NYAP2: variants seen among roughly 807,000 people sequenced by gnomAD.
NYAP2 encodes neuronal tyrosine-phosphorylated phosphoinositide-3-kinase adapter 2.
In NYAP2, 23 loss-of-function variants were observed where a neutral mutation model predicts 50.4. That is an observed-to-expected ratio of 0.46 (90% CI 0.33 to 0.65). NYAP2 has a LOEUF of 0.65. NYAP2 is among the 30% of genes least tolerant of loss of function. The probability of loss-of-function intolerance (pLI) is 0.02; values close to 1 mark genes in which losing one functional copy is unlikely to be tolerated. For synonymous variants in NYAP2, 394 were observed against 365.2 expected (o/e 1.08, Z -0.90); for missense variants, 885 against 861.0 (o/e 1.03, Z -0.35).
At chr2:225,535,386 G>A (rs1254164364) in intron 4 of NYAP2, among the ~76,000 whole-genome samples, 1 of 152,212 alleles carries the variant, frequency 6.6e-6, no homozygotes, top group East Asian at 1.9e-4. Flanking sequence ...GTTAGGAGAT[G>A]TGGGATGACG....
chr2:225,456,241 T>C (rs1373821630), intron 3 of NYAP2, among the ~76,000 whole-genome samples: 1 of 152,214 alleles, frequency 6.6e-6, no homozygotes, highest in Non-Finnish European at 1.5e-5. Flanking sequence ...TTGCCCAGAC[T>C]TTCTGCATGA....
At chr2:225,411,453 G>A (rs909424961) in intron 3 of NYAP2, among the ~76,000 whole-genome samples, 1 of 152,106 alleles carries the variant, frequency 6.6e-6, no homozygotes, top group East Asian at 1.9e-4. Flanking sequence ...ACGATTTTAT[G>A]AAGCCTTTTA....
intron 5 of NYAP2, among the ~76,000 whole-genome samples, chr2:225,626,496 G>A (rs1281450621): frequency 6.6e-6 from 1 of 152,196 alleles, no homozygotes; most frequent in African/African-American, 2.4e-5. Flanking sequence ...TTGTCAAATG[G>A]CTGATAAAAA....
rs199799602 is a variant in NYAP2 at position 225,501,617 on chromosome 2, A to AT, written c.222-11745dup. 2.7e-3 allele frequency among the ~76,000 whole-genome samples: 408 copies of AT among 151,654 alleles called. 1 individual carries two copies. Among genetic ancestry groups the AT allele is most frequent in the African/African-American group, 7.4e-3 (304 of 41,356 alleles). On this transcript the variant is annotated intron_variant, in intron 3 of 6. Transcript: ENST00000636099. Reference sequence around the variant, plus strand: ...ATCTGAAAACAGCATTCCATCATACATTTTTTTTTGTTTCAACAGTGAAAG... The same window carrying AT: ...ATCTGAAAACAGCATTCCATCATACATTTTTTTTTTGTTTCAACAGTGAAAG...
At chr2:225,435,288 G>C (rs1047325592) in intron 3 of NYAP2, among the ~76,000 whole-genome samples, 3 of 152,102 alleles carry the variant, frequency 2.0e-5, no homozygotes, top group African/African-American at 7.2e-5. Context: ...AGGCAGTAAA[G>C]AATCGGGTAA....
intron 5 of NYAP2, among the ~76,000 whole-genome samples, chr2:225,625,570 A>C (rs1456563793): frequency 6.6e-6 from 1 of 152,116 alleles, no homozygotes; most frequent in African/African-American, 2.4e-5. Flanking sequence ...GCAAAGAAAC[A>C]CAAGACATAA....
chr2:225,443,308 A>G (rs1689500322), intron 3 of NYAP2, among the ~76,000 whole-genome samples: 1 of 152,216 alleles, frequency 6.6e-6, no homozygotes, highest in South Asian at 2.1e-4. Flanking sequence ...ACCCACAGTA[A>G]GGCATTAATG....
At chr2:225,444,507 T>G (rs1689521414) in intron 3 of NYAP2, among the ~76,000 whole-genome samples, 1 of 152,098 alleles carries the variant, frequency 6.6e-6, no homozygotes, top group South Asian at 2.1e-4. Flanking sequence ...TACACACACA[T>G]TCACACCACA....
chr2:225,609,330 C>G (rs755495725), intron 5 of NYAP2, among the ~76,000 whole-genome samples: 11 of 152,126 alleles, frequency 7.2e-5, no homozygotes, highest in Non-Finnish European at 1.2e-4. Flanking sequence ...GATTATGAGG[C>G]CTTTTGTAAG....
intron 2 of NYAP2, among the ~76,000 whole-genome samples, chr2:225,406,157 G>T (rs983956101): frequency 6.6e-6 from 1 of 151,184 alleles, no homozygotes; most frequent in Non-Finnish European, 1.5e-5. Flanking sequence ...TAATTAACTT[G>T]TATGAAGTTT....
At chr2:225,497,851 T>A (rs1690535097) in intron 3 of NYAP2, among the ~76,000 whole-genome samples, 1 of 152,188 alleles carries the variant, frequency 6.6e-6, no homozygotes, top group Non-Finnish European at 1.5e-5. Flanking sequence ...TCCTGGAAAA[T>A]GTATGGCTTG....
chr2:225,432,144 AT>A (rs751205603), intron 3 of NYAP2, among the ~76,000 whole-genome samples: 1,641 of 119,524 alleles, frequency 0.014, 8 homozygotes, highest in South Asian at 0.022. Flanking sequence ...CGCCCGCCTA[AT>A]TTTTTTTTTT....
At chr2:225,410,069 T>G (rs547805117) in intron 3 of NYAP2, among the ~76,000 whole-genome samples, 26 of 152,208 alleles carry the variant, frequency 1.7e-4, no homozygotes, top group African/African-American at 5.3e-4. Context: ...CAAAATGTTC[T>G]CTTAAAATGA....
Position 225,582,487 on chromosome 2 carries a change from C to A in NYAP2, c.1070C>A (p.Pro357His). 6.4e-7 allele frequency: 1 copy of A among 1,559,008 alleles called. No homozygotes were observed. The highest frequency in any genetic ancestry group is 8.7e-7 in the Non-Finnish European group (1 of 1,149,598). Reference sequence around the variant, plus strand: ...AACTCCGACGAGTCCCCGCTTACCCCTCTGGAGGTCACGAAGCTTCCCGTG... The same window carrying A: ...AACTCCGACGAGTCCCCGCTTACCCATCTGGAGGTCACGAAGCTTCCCGTG... Residue 357 changes from proline (P) to histidine (H), a missense_variant, in exon 5 of 7, where the codon CCT (proline) becomes CAT (histidine). Transcript: ENST00000636099. The surrounding 1 kb of genome is among the most constrained non-coding windows in gnomAD (Gnocchi z 7.0).
At chr2:225,471,999 G>A (rs1690018709) in intron 3 of NYAP2, among the ~76,000 whole-genome samples, 1 of 152,180 alleles carries the variant, frequency 6.6e-6, no homozygotes, top group South Asian at 2.1e-4. Flanking sequence ...AACTGGGTAT[G>A]TATTACCTCA....
chr2:225,643,487 A>G (rs1234754359), intron 6 of NYAP2, among the ~76,000 whole-genome samples: 1 of 151,916 alleles, frequency 6.6e-6, no homozygotes, highest in Admixed American at 6.6e-5. Flanking sequence ...GTACATGTGC[A>G]CAATGTGCAG....
At chr2:225,399,666 G>C (rs905115310), upstream of NYAP2, 3 of 151,848 alleles carry the variant, frequency 2.0e-5, no homozygotes, top group Non-Finnish European at 4.4e-5. Flanking sequence ...AGGTTAAAAG[G>C]CTCCTCCCCT....
At chr2:225,507,088 A>G (rs1690720753) in intron 3 of NYAP2, among the ~76,000 whole-genome samples, 1 of 152,190 alleles carries the variant, frequency 6.6e-6, no homozygotes, top group African/African-American at 2.4e-5. Context: ...TTTGTATCTC[A>G]AATTTCTAGA....
At chr2:225,516,239 A>G (rs1313893185) in intron 4 of NYAP2, among the ~76,000 whole-genome samples, 1 of 152,180 alleles carries the variant, frequency 6.6e-6, no homozygotes, top group Non-Finnish European at 1.5e-5. Context: ...TGCCTTCACC[A>G]TCTAAGGATA....
Sources: gnomAD v4.1 joint callset for allele counts (sites outside exome capture counted in the v4.1 genomes callset) on GRCh38, gnomAD v4.1.1 for gene constraint, Gnocchi (gnomAD v3.1) non-coding constraint, MANE v1.5 for transcripts, NCBI Gene and HGNC (gene_info 2026-07-23, HGNC 2026-07-21) for gene names.